MTUS2: variants seen among roughly 807,000 people sequenced by gnomAD.
MTUS2 encodes the protein microtubule associated scaffold protein 2.
In MTUS2, 40 loss-of-function variants were observed where a neutral mutation model predicts 114.1. The ratio of observed to expected loss-of-function variants is 0.35; its 90% CI spans 0.27 to 0.46. The LOEUF is 0.46. Among genes scored for constraint, MTUS2 ranks in the 20% least tolerant of loss-of-function variants. The pLI, the probability that MTUS2 is intolerant of heterozygous loss-of-function variation, is 1.00. For synonymous variants in MTUS2, 688 were observed against 672.0 expected, an observed-to-expected ratio of 1.02 and a Z score of -0.37; for missense variants, 1,679 against 1,705.4, an observed-to-expected ratio of 0.98 and a Z score of 0.27.
chr13:29,046,914 G>A (rs779424063), intron 4 of MTUS2, among the ~76,000 whole-genome samples: 2 of 152,082 alleles, frequency 1.3e-5, no homozygotes, highest in Non-Finnish European at 2.9e-5. Context: ...AAAATCAAAT[G>A]TTTAGCCAAC....
At chr13:29,263,847 G>A (rs1316912124) in intron 5 of MTUS2, among the ~76,000 whole-genome samples, 1 of 152,174 alleles carries the variant, frequency 6.6e-6, no homozygotes, top group Non-Finnish European at 1.5e-5. Flanking sequence ...TTCAACATGA[G>A]ATTTGGTGGG....
intron 2 of MTUS2, among the ~76,000 whole-genome samples, chr13:28,888,907 A>G (rs1878755838): frequency 6.6e-6 from 1 of 152,224 alleles, no homozygotes; most frequent in African/African-American, 2.4e-5. Flanking sequence ...GTCCAGGGCA[A>G]AGGGTAAGGG....
intron 4 of MTUS2, among the ~76,000 whole-genome samples, chr13:29,099,632 T>C (rs1289420335): frequency 6.6e-6 from 1 of 152,182 alleles, no homozygotes; most frequent in East Asian, 1.9e-4. Context: ...CTGGTTAATA[T>C]TTTACTGGAT....
In MTUS2 at chr13:28,845,920, G is replaced by T. The variant is rs141083337; in HGVS notation, c.-243+6070G>T. Among the ~76,000 whole-genome samples, 494 of 151,954 alleles carry T rather than the reference G, an allele frequency of 3.3e-3. 2 individuals carry two copies. The highest frequency in any genetic ancestry group is 0.011 in the African/African-American group (473 of 41,486). The stretch of plus-strand genomic sequence containing the variant: ...AGCACTCAATAATATAACAGTGCCT[G>T]CCACAAAGTAAATGTTGCTTCTCAC... On this transcript the variant is annotated intron_variant, in intron 2 of 15. Transcript: ENST00000612955.
intron 2 of MTUS2, among the ~76,000 whole-genome samples, chr13:28,896,454 A>G (rs1879273161): frequency 6.6e-6 from 1 of 152,260 alleles, no homozygotes; most frequent in Non-Finnish European, 1.5e-5. Flanking sequence ...AAGAATCAAT[A>G]TTGTGAAAAT....
At chr13:29,475,327 A>G (rs1880618148) in intron 9 of MTUS2, among the ~76,000 whole-genome samples, 1 of 152,270 alleles carries the variant, frequency 6.6e-6, no homozygotes, top group South Asian at 2.1e-4. Flanking sequence ...TTTAGTACAT[A>G]ATACTTGATA....
intron 4 of MTUS2, among the ~76,000 whole-genome samples, chr13:29,092,332 CT>C (rs371351377): frequency 5.1e-4 from 77 of 151,796 alleles, no homozygotes; most frequent in Non-Finnish European, 1.0e-3. Flanking sequence ...TTGTTTTAGC[CT>C]TTTTTTTGCA....
chr13:28,915,903 T>C (rs935261253), intron 2 of MTUS2, among the ~76,000 whole-genome samples: 1 of 152,036 alleles, frequency 6.6e-6, no homozygotes, highest in African/African-American at 2.4e-5. Context: ...CCCATATGTT[T>C]TCTTGTAGTA....
rs550223650 is a variant in MTUS2, at chr13:29,505,489, C to T, written c.*2283C>T. 1 of 229,556 alleles carries T rather than the reference C, an allele frequency of 4.4e-6. No homozygotes were observed. Among genetic ancestry groups the T allele is most frequent in the East Asian group, 6.1e-5 (1 of 16,330 alleles). 14.2% of individuals were successfully genotyped at this position (229,556 alleles called of 1,614,324 possible). On this transcript the variant is annotated 3_prime_UTR_variant, in exon 16 of 16. Transcript: ENST00000612955. ...TTTTTTTTCTTTTGTTACGGACACC[C>T]ATCATGTATGGCTCCTCATCTGAGC... is the stretch of plus-strand genomic sequence containing the variant.
intron 5 of MTUS2, among the ~76,000 whole-genome samples, chr13:29,195,482 G>C (rs977177163): frequency 2.4e-5 from 3 of 126,924 alleles, no homozygotes; most frequent in African/African-American, 8.9e-5. Flanking sequence ...CACATTTAAT[G>C]TTAAAATAAT....
intron 5 of MTUS2, among the ~76,000 whole-genome samples, chr13:29,113,506 C>T (rs774117142): frequency 1.4e-4 from 22 of 152,116 alleles, no homozygotes; most frequent in Non-Finnish European, 2.4e-4. Flanking sequence ...GCTCTTGATA[C>T]GGTAGCCACT....
At chr13:29,099,790 G>T (rs747099213) in intron 4 of MTUS2, among the ~76,000 whole-genome samples, 1 of 152,168 alleles carries the variant, frequency 6.6e-6, no homozygotes, top group Non-Finnish European at 1.5e-5. Flanking sequence ...GGGCCTTTTA[G>T]ATTTCCTATT....
intron 1 of MTUS2, among the ~76,000 whole-genome samples, chr13:28,830,579 TAAATC>T (rs1256550694): frequency 6.6e-6 from 1 of 151,744 alleles, no homozygotes; most frequent in Non-Finnish European, 1.5e-5. Flanking sequence ...AACTTGAAAA[TAAATC>T]AATTGAAATT....
chr13:28,961,205 A>G (rs564597433), intron 2 of MTUS2, among the ~76,000 whole-genome samples: 9 of 152,310 alleles, frequency 5.9e-5, no homozygotes, highest in African/African-American at 1.9e-4. Flanking sequence ...GGACTTAAAA[A>G]TTACTCAAAT....
chr13:29,218,613 C>A (rs1895778197), intron 5 of MTUS2, among the ~76,000 whole-genome samples: 1 of 152,170 alleles, frequency 6.6e-6, no homozygotes, highest in Non-Finnish European at 1.5e-5. Flanking sequence ...ATAATTACTT[C>A]CTTGATTCAG....
intron 2 of MTUS2, among the ~76,000 whole-genome samples, chr13:28,890,560 G>A (rs1878860173): frequency 6.6e-6 from 1 of 152,198 alleles, no homozygotes; most frequent in South Asian, 2.1e-4. Flanking sequence ...AATATTTACA[G>A]TAGTGCCTAG....
chr13:29,257,384 T>C (rs2992391), intron 5 of MTUS2, among the ~76,000 whole-genome samples: 64,692 of 152,010 alleles, frequency 0.43, 14,323 homozygotes, highest in East Asian at 0.69. Context: ...GCTACCTTCC[T>C]AGAATAGTTT....
At chr13:29,185,001 A>G (rs1894162528) in intron 5 of MTUS2, among the ~76,000 whole-genome samples, 2 of 152,150 alleles carry the variant, frequency 1.3e-5, no homozygotes, top group African/African-American at 4.8e-5. Flanking sequence ...TGTTCAAGTA[A>G]CTAAAAGAAA....
intron 5 of MTUS2, among the ~76,000 whole-genome samples, chr13:29,168,186 C>T (rs569467715): frequency 1.6e-4 from 25 of 152,264 alleles, no homozygotes; most frequent in Admixed American, 1.4e-3. Flanking sequence ...TGCCTTCCCT[C>T]GACGTTAGGT....
Sources: allele counts gnomAD v4.1 joint callset (sites outside exome capture counted in the v4.1 genomes callset), GRCh38; gene constraint gnomAD v4.1.1; transcripts MANE v1.5; gene names NCBI Gene and HGNC (gene_info 2026-07-23, HGNC 2026-07-21).